Variants in ARSG observed in about 807,000 individuals in gnomAD.
The protein encoded by ARSG is ASG.
Under a neutral mutation model 50.5 loss-of-function variants are expected in ARSG, and 37 were observed. The ratio of observed to expected loss-of-function variants is 0.73; its 90% CI spans 0.56 to 0.96. The LOEUF (loss-of-function observed/expected upper bound fraction) is 0.96. Among genes scored for constraint, ARSG ranks in the 50% least tolerant of loss-of-function variants. ARSG has a pLI of 0.00. For missense variants in ARSG, 629 were observed against 675.3 expected (o/e 0.93, Z 0.76); for synonymous variants, 225 against 254.6 (o/e 0.88, Z 1.11).
intron 2 of ARSG, 117 bp from the exon 3 acceptor site, chr17:68,343,487 C>G: frequency 9.5e-7 from 1 of 1,052,746 alleles, no homozygotes; most frequent in Non-Finnish European, 1.4e-6. Context: ...TGTTCCATGA[C>G]TGGGTGATCT....
At chr17:68,406,431 T>C (rs549974127) in intron 11 of ARSG, among the ~76,000 whole-genome samples, 2 of 152,320 alleles carry the variant, frequency 1.3e-5, no homozygotes, top group African/African-American at 4.8e-5. Context: ...GATCAAATGG[T>C]AGTTCAGCTT....
At chr17:68,299,627 C>T (rs1451655509) in intron 1 of ARSG, among the ~76,000 whole-genome samples, 5 of 151,856 alleles carry the variant, frequency 3.3e-5, no homozygotes, top group Admixed American at 2.0e-4. Context: ...GGGCAAACAC[C>T]GTAATTTATT....
rs1486062565 is a variant in ARSG at position 68,271,951 on chromosome 17, C to T, written c.-552+12525C>T. ...CTGAGTAGCTGGGACTATAGGCGTGCGCCACCACGACCAGCCAATTTTTGT... is the reference window on the plus strand; with the variant it reads ...CTGAGTAGCTGGGACTATAGGCGTGTGCCACCACGACCAGCCAATTTTTGT... On this transcript the variant is annotated intron_variant, in intron 1 of 11. Coordinates refer to the ARSG transcript ENST00000448504. This position sits in a 1 kb window ranked among gnomAD's most constrained non-coding sequence, Gnocchi z 5.3. Among the ~76,000 whole-genome samples, 1 of 152,148 alleles carries T rather than the reference C, an allele frequency of 6.6e-6. No homozygotes were observed. Among genetic ancestry groups the T allele is most frequent in the East Asian group, 1.9e-4 (1 of 5,184 alleles).
At chr17:68,274,637 C>T (rs1194197470) in intron 1 of ARSG, 4 of 152,136 alleles carry the variant, frequency 2.6e-5, no homozygotes, top group African/African-American at 9.7e-5. Flanking sequence ...CCATGAGCAC[C>T]TATAAAATTA....
chr17:68,260,387 C>T (rs1329804081), intron 1 of ARSG, among the ~76,000 whole-genome samples: 1 of 152,220 alleles, frequency 6.6e-6, no homozygotes, highest in Non-Finnish European at 1.5e-5. Context: ...CACGATTAAA[C>T]TGTCAATTTC....
downstream of ARSG, among the ~76,000 whole-genome samples, chr17:68,424,938 G>A (rs1324925452): frequency 6.6e-6 from 1 of 152,228 alleles, no homozygotes; most frequent in African/African-American, 2.4e-5. Flanking sequence ...GACTATCTGG[G>A]ATGTTTTGAC....
At chr17:68,284,879 A>C (rs935916748) in intron 1 of ARSG, among the ~76,000 whole-genome samples, 8 of 152,176 alleles carry the variant, frequency 5.3e-5, no homozygotes, top group Non-Finnish European at 1.2e-4. Flanking sequence ...ATATGTCATA[A>C]ATTATATGCT....
At chr17:68,437,399 A>G in the ARSG span, among the ~76,000 whole-genome samples, 1 of 152,214 alleles carries the variant, frequency 6.6e-6, no homozygotes, top group Admixed American at 6.5e-5. Context: ...TATTAAAAAT[A>G]CAAAAATTAG....
intron 5 of ARSG, among the ~76,000 whole-genome samples, chr17:68,354,007 TTTC>T (rs1361144872): frequency 6.7e-6 from 1 of 148,548 alleles, no homozygotes; most frequent in Non-Finnish European, 1.5e-5. Context: ...TGGCCTTCTT[TTTC>T]TTCTTCTTGT....
chr17:68,306,176 A>G (rs2076601503), intron 1 of ARSG, among the ~76,000 whole-genome samples: 1 of 151,724 alleles, frequency 6.6e-6, no homozygotes, highest in Non-Finnish European at 1.5e-5. Flanking sequence ...CTCATTTTGT[A>G]TTTTTAGTAG....
intron 2 of ARSG, among the ~76,000 whole-genome samples, chr17:68,326,188 A>G (rs182312939): frequency 8.5e-5 from 13 of 152,354 alleles, no homozygotes; most frequent in Admixed American, 2.6e-4. Flanking sequence ...GATAAGGGTT[A>G]GGGACAAACT....
intron 8 of ARSG, among the ~76,000 whole-genome samples, chr17:68,383,798 G>C (rs2080561740): frequency 6.6e-6 from 1 of 152,232 alleles, no homozygotes; most frequent in Non-Finnish European, 1.5e-5. Context: ...TTAGAGAAAT[G>C]CTGGGCTAGA....
rs781954926 is a variant in ARSG, at chr17:68,271,515, G to C, written c.-552+12089G>C. 23 of 1,614,030 alleles carry C rather than the reference G, an allele frequency of 1.4e-5. No homozygotes were observed. The highest frequency in any genetic ancestry group is 1.8e-5 in the Non-Finnish European group (21 of 1,180,028). Reference sequence around the variant, plus strand: ...ACTGCGCTTCTTTCCGATTTTCCTGGATGACTATTTTCGGTGACGCTGGTC... The same window carrying C: ...ACTGCGCTTCTTTCCGATTTTCCTGCATGACTATTTTCGGTGACGCTGGTC... On this transcript the variant is annotated intron_variant, in intron 1 of 11. Transcript: ENST00000448504. This position sits in a 1 kb window ranked among gnomAD's most constrained non-coding sequence, Gnocchi z 5.3.
chr17:68,433,502 C>T, the ARSG span: 10 of 1,613,914 alleles, frequency 6.2e-6, no homozygotes, highest in Non-Finnish European at 8.5e-6. Context: ...AAGATGTGTA[C>T]CGTCTCGGTG....
the ARSG span, among the ~76,000 whole-genome samples, chr17:68,447,440 A>G: frequency 2.0e-5 from 3 of 152,310 alleles, no homozygotes; most frequent in East Asian, 5.8e-4. Context: ...GGAATGCAGC[A>G]GCGTGATCAT....
intron 2 of ARSG, among the ~76,000 whole-genome samples, chr17:68,328,839 C>G (rs1422468118): frequency 6.6e-6 from 1 of 151,568 alleles, no homozygotes; most frequent in African/African-American, 2.4e-5. Context: ...GGCTTTCCCA[C>G]CAGACTGGAA....
the ARSG span, chr17:68,450,971 G>C: frequency 6.5e-6 from 10 of 1,531,448 alleles, no homozygotes; most frequent in South Asian, 1.3e-4. Context: ...CATGACACTG[G>C]GCCCGGCGCA....
chr17:68,424,541 C>T (rs758007938), downstream of ARSG: 3 of 531,882 alleles, frequency 5.6e-6, no homozygotes, highest in Non-Finnish European at 1.2e-5. Flanking sequence ...AGTGGCAGCT[C>T]CTCTCTGGCT....
chr17:68,355,145 A>T (rs902361033), intron 5 of ARSG, among the ~76,000 whole-genome samples: 2 of 152,192 alleles, frequency 1.3e-5, no homozygotes, highest in Admixed American at 6.5e-5. Context: ...TACACTGAAG[A>T]TGTGTGCAAT....
Sources: gnomAD v4.1 joint callset for allele counts (sites outside exome capture counted in the v4.1 genomes callset) on GRCh38, gnomAD v4.1.1 for gene constraint, Gnocchi (gnomAD v3.1) non-coding constraint, MANE v1.5 for transcripts, NCBI Gene and HGNC (gene_info 2026-07-23, HGNC 2026-07-21) for gene names.